AIG1: variants seen among roughly 807,000 people sequenced by gnomAD.
AIG1 encodes androgen-induced gene 1 protein.
Under a neutral mutation model 31.4 loss-of-function variants are expected in AIG1, and 23 were observed. The ratio of observed to expected loss-of-function variants is 0.73; its 90% CI spans 0.53 to 1.04. The LOEUF (loss-of-function observed/expected upper bound fraction) is 1.04, where lower values mean the gene tolerates loss of function less well. Ranked by LOEUF, AIG1 falls within the 50% of genes least tolerant of loss-of-function variation. The pLI is 0.00. For synonymous variants in AIG1, 100 were observed against 110.5 expected, an observed-to-expected ratio of 0.90 and a Z score of 0.60; for missense variants, 274 against 295.0, an observed-to-expected ratio of 0.93 and a Z score of 0.52.
chr6:143,125,594 A>G (rs1298775464), intron 1 of AIG1, among the ~76,000 whole-genome samples: 1 of 151,912 alleles, frequency 6.6e-6, no homozygotes, highest in Non-Finnish European at 1.5e-5. Context: ...CCTGGGGGGG[A>G]ATTTTCTATC....
chr6:143,116,598 G>T (rs912976633), intron 1 of AIG1, among the ~76,000 whole-genome samples: 4 of 151,056 alleles, frequency 2.6e-5, no homozygotes, highest in Admixed American at 2.6e-4. Flanking sequence ...ACAGAGAGTG[G>T]CAGGAGAGGC....
At chr6:143,322,273 G>A (rs1455051855) in intron 4 of AIG1, among the ~76,000 whole-genome samples, 1 of 152,158 alleles carries the variant, frequency 6.6e-6, no homozygotes, top group Non-Finnish European at 1.5e-5. Flanking sequence ...AGGGATATAA[G>A]CGATGCCAGA....
intron 3 of AIG1, among the ~76,000 whole-genome samples, chr6:143,207,156 T>C (rs1791174645): frequency 6.6e-6 from 1 of 152,122 alleles, no homozygotes; most frequent in African/African-American, 2.4e-5. Context: ...GCAGTTCTTT[T>C]CCCCTCCTTT....
chr6:143,306,688 C>T (rs1259150423), intron 4 of AIG1, among the ~76,000 whole-genome samples: 1 of 151,764 alleles, frequency 6.6e-6, no homozygotes, highest in African/African-American at 2.4e-5. Flanking sequence ...CTTGGAGTTG[C>T]TCTTCTCGAG....
intron 1 of AIG1, 22 bp downstream of exon 1, chr6:143,061,088 G>A (rs1405421396): frequency 1.9e-6 from 3 of 1,609,202 alleles, no homozygotes; most frequent in Admixed American, 3.3e-5. Context: ...CCCTCCCCCT[G>A]CTCGCCCCGC....
At chr6:143,162,498 G>A (rs1458608685) in intron 2 of AIG1, among the ~76,000 whole-genome samples, 1 of 152,200 alleles carries the variant, frequency 6.6e-6, no homozygotes, top group Non-Finnish European at 1.5e-5. Flanking sequence ...ATTCCAACAT[G>A]ATGCCAAGAT....
intron 3 of AIG1, among the ~76,000 whole-genome samples, chr6:143,262,518 T>C (rs1795856956): frequency 6.6e-6 from 1 of 152,178 alleles, no homozygotes; most frequent in Non-Finnish European, 1.5e-5. Flanking sequence ...GAAGCCATGC[T>C]CTTCAAATGA....
chr6:143,185,163 T>C (rs1435516760), intron 3 of AIG1, among the ~76,000 whole-genome samples: 1 of 147,674 alleles, frequency 6.8e-6, no homozygotes, highest in African/African-American at 2.5e-5. Flanking sequence ...GCCACTGCAC[T>C]CCAGCCTGGC....
chr6:143,060,667 T>G (rs1328720609), upstream of AIG1: 2 of 453,938 alleles, frequency 4.4e-6, no homozygotes, highest in East Asian at 1.7e-4. Flanking sequence ...ACGAAAGAGA[T>G]GACGACACGC....
rs1041595219 is a variant in AIG1, at chr6:143,288,431, G to A, written c.515+4206G>A. Among the ~76,000 whole-genome samples the A allele has an allele frequency of 6.8e-6, 1 of 146,746 alleles. No individual in the cohort carries two copies. The highest frequency in any genetic ancestry group is 2.4e-5 in the African/African-American group (1 of 40,844). ...ACACATCAAGAGCAAGTAGGCCTTAGTGAAGGGGACAAAATGGATCCTGGG... is the reference window on the plus strand; with the variant it reads ...ACACATCAAGAGCAAGTAGGCCTTAATGAAGGGGACAAAATGGATCCTGGG... On this transcript the variant is annotated intron_variant, in intron 4 of 5. Transcript: ENST00000357847. This position sits in a 1 kb window ranked among gnomAD's most constrained non-coding sequence, Gnocchi z 4.4.
At chr6:143,193,933 G>GA (rs1323843085) in intron 3 of AIG1, among the ~76,000 whole-genome samples, 1 of 151,994 alleles carries the variant, frequency 6.6e-6, no homozygotes, top group Admixed American at 6.6e-5. Context: ...GATTCAGCAA[G>GA]AAATAGGAAA....
chr6:143,063,694 T>C (rs1776454380), intron 1 of AIG1, among the ~76,000 whole-genome samples: 3 of 152,162 alleles, frequency 2.0e-5, no homozygotes, highest in Admixed American at 1.3e-4. Context: ...AGTTTAACTT[T>C]TTAAAATTGT....
intron 3 of AIG1, among the ~76,000 whole-genome samples, chr6:143,263,223 C>T (rs1795928767): frequency 6.6e-6 from 1 of 151,824 alleles, no homozygotes; most frequent in Non-Finnish European, 1.5e-5. Context: ...AGCAATACCA[C>T]TTTTATTTGA....
Position 143,137,075 on chromosome 6 carries a change from A to G in AIG1, c.297+85A>G, listed in dbSNP as rs996030901. ...CTAAGAGAAAAAAAAAGAGTTCATT[A>G]TAAGAGGTTTCTGTATTATTAGTTT... On this transcript the variant is annotated intron_variant, in intron 2 of 5. Transcript: ENST00000357847. 7.8e-6 allele frequency: 10 copies of G among 1,287,162 alleles called. No individual in the cohort carries two copies. The Admixed American group carries it at 1.5e-4, about 20-fold the overall frequency. The allele number at this position is 1,287,162 out of a possible 1,614,324, so 79.7% of individuals were successfully genotyped here. A position where few individuals can be genotyped will look rare whatever the true frequency, so the allele number is the denominator to read the frequency against.
At chr6:143,123,256 T>C (rs907826634) in intron 1 of AIG1, among the ~76,000 whole-genome samples, 3 of 152,268 alleles carry the variant, frequency 2.0e-5, no homozygotes, top group African/African-American at 7.2e-5. Flanking sequence ...TCTAGGGATA[T>C]GATGTTGAAA....
chr6:143,141,360 G>A (rs1476096642), intron 2 of AIG1, among the ~76,000 whole-genome samples: 2 of 152,162 alleles, frequency 1.3e-5, no homozygotes, highest in African/African-American at 4.8e-5. Context: ...AGTAATTGCT[G>A]TATGTGAGCA....
intron 3 of AIG1, among the ~76,000 whole-genome samples, chr6:143,195,577 A>AGCCGCC (rs1418871226): frequency 2.0e-5 from 3 of 152,108 alleles, no homozygotes; most frequent in Non-Finnish European, 2.9e-5. Context: ...TGGATTTAGG[A>AGCCGCC]AGGAATAGAA....
chr6:143,098,466 A>G (rs960224822), intron 1 of AIG1, among the ~76,000 whole-genome samples: 3 of 152,076 alleles, frequency 2.0e-5, no homozygotes, highest in Non-Finnish European at 4.4e-5. Flanking sequence ...TAACCTCTCA[A>G]TGTTGAATTC....
Position 143,284,305 on chromosome 6 carries a change from A to G in AIG1, c.515+80A>G. The G allele has an allele frequency of 9.9e-7, 1 of 1,007,774 alleles. No individual in the cohort carries two copies. The highest frequency in any genetic ancestry group is 1.5e-6 in the Non-Finnish European group (1 of 657,502). The allele number at this position is 1,007,774 out of a possible 1,614,324, so 62.4% of individuals were successfully genotyped here. A position where few individuals can be genotyped will look rare whatever the true frequency, so the allele number is the denominator to read the frequency against. ...TTTGGGCACATATTTCATTATGGAT[A>G]TAATCACTAACAGATTCACGCTGTG... is the stretch of plus-strand genomic sequence containing the variant. On this transcript the variant is annotated intron_variant, in intron 4 of 5. Transcript: ENST00000357847. This position sits in a 1 kb window ranked among gnomAD's most constrained non-coding sequence, Gnocchi z 4.4.
Sources: allele counts gnomAD v4.1 joint callset (sites outside exome capture counted in the v4.1 genomes callset), GRCh38; gene constraint gnomAD v4.1.1; non-coding constraint Gnocchi (gnomAD v3.1); transcripts MANE v1.5; gene names NCBI Gene and HGNC (gene_info 2026-07-23, HGNC 2026-07-21).